Variants in AP1B1 observed in about 807,000 individuals in gnomAD.
AP1B1 encodes adaptor related protein complex 1 subunit beta 1, also known as AP-1 complex subunit beta-1.
In AP1B1, 36 loss-of-function variants were observed where a neutral mutation model predicts 104.3. That is an observed-to-expected ratio of 0.35 (90% confidence interval 0.26 to 0.46). The LOEUF is 0.46. AP1B1 is among the 20% of genes least tolerant of loss of function. The pLI, the probability that AP1B1 is intolerant of heterozygous loss-of-function variation, is 1.00. For synonymous variants in AP1B1, 504 were observed against 517.5 expected (o/e 0.97, Z 0.35); for missense variants, 901 against 1,247.9 (o/e 0.72, Z 4.19).
intron 1 of AP1B1, among the ~76,000 whole-genome samples, chr22:29,385,626 T>C (rs1259571915): frequency 6.6e-6 from 1 of 152,184 alleles, no homozygotes; most frequent in African/African-American, 2.4e-5. Context: ...TCTGTTGACA[T>C]TTTTTCTCAG....
Position 29,359,900 on chromosome 22 carries a change from A to C in AP1B1, c.203T>G (p.Leu68Arg), listed in dbSNP as rs2062017135. 1.2e-6 allele frequency: 2 copies of C among 1,613,956 alleles called. No individual in the cohort carries two copies. The highest frequency in any genetic ancestry group is 1.7e-6 in the Non-Finnish European group (2 of 1,179,984). Residue 68 changes from leucine to arginine, a missense_variant, in exon 4 of 23, where the codon CTA becomes CGA. Physicochemically the swap from Leu to Arg is moderately radical, Grantham distance 102. Transcript: ENST00000357586. ...GTAATTCATCAAGTAGAGGTATACT[A>C]GCTTCTTCAGCTCCAGGTTGTCCGT... ...MQTDNLELKK[L>R]VYLYLMNYAK... is the part of the protein sequence containing the mutation.
chr22:29,362,522 T>C (rs1247618503), intron 3 of AP1B1, among the ~76,000 whole-genome samples: 3 of 152,030 alleles, frequency 2.0e-5, no homozygotes, highest in African/African-American at 7.2e-5. Flanking sequence ...ACTTTTTGTA[T>C]TTTTAGTAGA....
chr22:29,356,563 G>A lies in AP1B1; in HGVS notation c.579C>T (p.Ser193=). 1 of 1,614,212 alleles carries A rather than the reference G, an allele frequency of 6.2e-7. No individual in the cohort carries two copies. Among genetic ancestry groups the A allele is most frequent in the Non-Finnish European group, 8.5e-7 (1 of 1,180,038 alleles). ...ALSEIAESHP[S]SNLLDLNPQS... ...GTGGGTTCAGATCGAGCAGGTTGCT[G>A]CTGGGGTGAGACTCGGCAATTTCTG... is the stretch of plus-strand genomic sequence containing the variant. The change falls in exon 6 of 23, where the codon AGC becomes AGT. Residue 193 remains serine, a synonymous_variant. Coordinates refer to ENST00000357586, the MANE Select transcript of AP1B1 (RefSeq NM_001127.4).
chr22:29,351,325 A>G (rs773825725), intron 8 of AP1B1, 59 bp from the exon 9 acceptor site: 5 of 1,552,126 alleles, frequency 3.2e-6, no homozygotes, highest in Non-Finnish European at 4.5e-6. Flanking sequence ...CTGCTGGAAC[A>G]CTCCTGGGCA....
chr22:29,344,826 C>A (rs1361500719), intron 11 of AP1B1, among the ~76,000 whole-genome samples: 1 of 151,804 alleles, frequency 6.6e-6, no homozygotes, highest in Non-Finnish European at 1.5e-5. Context: ...CCAAGACTTT[C>A]TAAGTCTGCT....
chr22:29,340,144 G>A (rs558087611), intron 14 of AP1B1, among the ~76,000 whole-genome samples: 1 of 152,222 alleles, frequency 6.6e-6, no homozygotes, highest in South Asian at 2.1e-4. Context: ...GAAGCCCCAG[G>A]GAGATACCCA....
chr22:29,361,848 G>T (rs1191056185), intron 3 of AP1B1, among the ~76,000 whole-genome samples: 1 of 151,862 alleles, frequency 6.6e-6, no homozygotes, highest in Non-Finnish European at 1.5e-5. Context: ...AGGCTGGAGT[G>T]CAGTGGCGTG....
In AP1B1 at chr22:29,328,881, A is replaced by G; in HGVS notation, c.2790T>C (p.Cys930=). ...CGTGCTGGGACACCTCTGGTGCTCG[A>G]CACTTCAGGGACAGCTGCAGGGGAG... ...SCTDLELSLK[C]RAPEVSQHVY... The change falls in exon 23 of 23, where the codon TGT becomes TGC. Residue 930 remains cysteine, a synonymous_variant. Transcript: ENST00000357586. This position sits in a 1 kb window ranked among gnomAD's most constrained non-coding sequence, Gnocchi z 4.1. The G allele has an allele frequency of 1.2e-6, 2 of 1,609,326 alleles. No individual in the cohort carries two copies. The highest frequency in any genetic ancestry group is 1.7e-6 in the Non-Finnish European group (2 of 1,179,112).
chr22:29,387,647 T>A (rs1240642032), intron 1 of AP1B1, among the ~76,000 whole-genome samples: 1 of 152,146 alleles, frequency 6.6e-6, no homozygotes, highest in Non-Finnish European at 1.5e-5. Flanking sequence ...TTAACTCCAG[T>A]CTTTCCTTTG....
At chr22:29,383,764 G>A (rs1240281254) in intron 1 of AP1B1, among the ~76,000 whole-genome samples, 1 of 151,858 alleles carries the variant, frequency 6.6e-6, no homozygotes, top group Non-Finnish European at 1.5e-5. Context: ...AGTCCACAGG[G>A]TAGACTGTGG....
At chr22:29,351,878 G>A in intron 7 of AP1B1, 53 bp from the exon 8 acceptor site, 2 of 1,600,906 alleles carry the variant, frequency 1.2e-6, no homozygotes, top group Non-Finnish European at 1.7e-6. Flanking sequence ...TAAGCCCTGT[G>A]AGAAAATGCC....
At chr22:29,370,173 C>T (rs2062209442) in intron 1 of AP1B1, among the ~76,000 whole-genome samples, 1 of 152,032 alleles carries the variant, frequency 6.6e-6, no homozygotes. Flanking sequence ...ACAAAAGTGG[C>T]CGGGCGTGGT....
chr22:29,356,391 A>C (rs2061958132), intron 6 of AP1B1, 35 bp downstream of exon 6: 1 of 1,584,600 alleles, frequency 6.3e-7, no homozygotes, highest in Non-Finnish European at 8.6e-7. Flanking sequence ...CAGGGTCCTC[A>C]AGCTGGGCTG....
chr22:29,336,918 A>T (rs1416655977), intron 16 of AP1B1, among the ~76,000 whole-genome samples: 1 of 151,906 alleles, frequency 6.6e-6, no homozygotes, highest in African/African-American at 2.4e-5. Context: ...GCTGGCACCC[A>T]CAGGGTTACA....
At chr22:29,382,621 G>C (rs989200262) in intron 1 of AP1B1, among the ~76,000 whole-genome samples, 1 of 152,168 alleles carries the variant, frequency 6.6e-6, no homozygotes, top group African/African-American at 2.4e-5. Flanking sequence ...ATAGGGAGGG[G>C]AGAGGGGAGG....
chr22:29,368,708 C>G lies in AP1B1; in HGVS notation c.-27-1438G>C, dbSNP rs181237687. 2.3e-3 allele frequency among the ~76,000 whole-genome samples: 349 copies of G among 150,696 alleles called. 1 individual carries two copies. Among genetic ancestry groups the G allele is most frequent in the Middle Eastern group, 0.02 (6 of 294 alleles). ...CTCTATTGAAGGAATTCTGTTTCCC[C>G]CTTCTGACGAGGAGGACAGTTCCCT... On this transcript the variant is annotated intron_variant, in intron 1 of 22. Transcript: ENST00000357586.
At chr22:29,387,743 A>G (rs2062552342) in intron 1 of AP1B1, among the ~76,000 whole-genome samples, 1 of 152,154 alleles carries the variant, frequency 6.6e-6, no homozygotes, top group Non-Finnish European at 1.5e-5. Context: ...GTGGGATTTA[A>G]CCTCTCTGTG....
At chr22:29,360,939 A>T (rs890219273) in intron 3 of AP1B1, among the ~76,000 whole-genome samples, 7 of 152,222 alleles carry the variant, frequency 4.6e-5, no homozygotes, top group African/African-American at 1.7e-4. Context: ...AACAGGCAGG[A>T]GTCCTGCCAA....
At chr22:29,360,278 C>G (rs1244593709) in intron 3 of AP1B1, among the ~76,000 whole-genome samples, 1 of 152,192 alleles carries the variant, frequency 6.6e-6, no homozygotes, top group African/African-American at 2.4e-5. Flanking sequence ...CCTTTGTCAC[C>G]TGCCCCCTCG....
Sources: allele counts gnomAD v4.1 joint callset (sites outside exome capture counted in the v4.1 genomes callset), GRCh38; gene constraint gnomAD v4.1.1; non-coding constraint Gnocchi (gnomAD v3.1); transcripts MANE v1.5; gene names NCBI Gene and HGNC (gene_info 2026-07-23, HGNC 2026-07-21).